The following NAV3 variants were observed in gnomAD, a reference collection of about 807,000 sequenced individuals.
NAV3 encodes the protein pore membrane and/or filament interacting like protein 1.
A neutral mutation model predicts 244.7 loss-of-function variants in NAV3; 87 were observed. The observed-to-expected ratio is 0.36, with a 90% CI of 0.30 to 0.42. The LOEUF is 0.42. NAV3 is among the 20% of genes least tolerant of loss of function. The probability of loss-of-function intolerance (pLI) is 1.00; values close to 1 mark genes in which losing one functional copy is unlikely to be tolerated. For missense variants in NAV3, 2,663 were observed against 2,893.3 expected (o/e 0.92, Z 1.83); for synonymous variants, 1,126 against 1,042.2 (o/e 1.08, Z -1.55).
intron 12 of NAV3, among the ~76,000 whole-genome samples, chr12:78,070,834 A>T (rs1375620581): frequency 6.7e-6 from 1 of 149,770 alleles, no homozygotes; most frequent in East Asian, 2.0e-4. Context: ...TAGTTTACTG[A>T]GAATGATGAT....
At chr12:78,159,331 T>G in intron 23 of NAV3, 45 bp downstream of exon 23, 1 of 1,466,944 alleles carries the variant, frequency 6.8e-7, no homozygotes, top group Non-Finnish European at 9.5e-7. Context: ...AGACAGCAAA[T>G]TGCATAGGAT....
At chr12:78,094,407 GA>G (rs1954122208) in intron 12 of NAV3, among the ~76,000 whole-genome samples, 1 of 152,110 alleles carries the variant, frequency 6.6e-6, no homozygotes, top group Admixed American at 6.5e-5. Context: ...CAAGTCAATG[GA>G]TATAATGGTG....
At chr12:78,096,808 CT>C (rs772391637) in intron 12 of NAV3, among the ~76,000 whole-genome samples, 32 of 152,128 alleles carry the variant, frequency 2.1e-4, no homozygotes, top group Non-Finnish European at 7.4e-5. Context: ...TTCTTTGTTA[CT>C]GGGTACCATA....
chr12:77,747,490 G>A (rs926069860), intron 2 of NAV3, among the ~76,000 whole-genome samples: 1 of 152,160 alleles, frequency 6.6e-6, no homozygotes, highest in Admixed American at 6.6e-5. Flanking sequence ...CCTCAGGGAT[G>A]TAGAACTAGA....
chr12:77,645,599 A>G (rs1872579301), intron 2 of NAV3, among the ~76,000 whole-genome samples: 1 of 151,676 alleles, frequency 6.6e-6, no homozygotes, highest in African/African-American at 2.4e-5. Context: ...GCCAGGACAA[A>G]CAGAAAGCAG....
intron 2 of NAV3, among the ~76,000 whole-genome samples, chr12:77,587,343 A>G (rs1015540495): frequency 6.6e-6 from 1 of 152,204 alleles, no homozygotes; most frequent in Non-Finnish European, 1.5e-5. Flanking sequence ...AATACTTACA[A>G]AAATACATGC....
intron 2 of NAV3, among the ~76,000 whole-genome samples, chr12:77,661,392 TCA>T (rs1412983192): frequency 6.6e-6 from 1 of 152,112 alleles, no homozygotes; most frequent in Non-Finnish European, 1.5e-5. Flanking sequence ...AGATATATGC[TCA>T]GATATTTTGC....
At chr12:77,821,379 T>C (rs777477106) in intron 2 of NAV3, among the ~76,000 whole-genome samples, 3 of 152,164 alleles carry the variant, frequency 2.0e-5, no homozygotes, top group Non-Finnish European at 2.9e-5. Flanking sequence ...AAAGTTTAAA[T>C]GTTTAAGAAA....
chr12:77,649,641 AC>A (rs1872739286), intron 2 of NAV3, among the ~76,000 whole-genome samples: 1 of 152,162 alleles, frequency 6.6e-6, no homozygotes, highest in Non-Finnish European at 1.5e-5. Flanking sequence ...CATTATTGTG[AC>A]CTTCATATTT....
At chr12:77,626,862 T>C (rs73425546) in intron 2 of NAV3, among the ~76,000 whole-genome samples, 17,563 of 151,850 alleles carry the variant, frequency 0.12, 1,836 homozygotes, top group African/African-American at 0.28. Flanking sequence ...AATGAAAACA[T>C]ACAAAAGTAT....
At chr12:78,081,745 T>C (rs1953364723) in intron 12 of NAV3, among the ~76,000 whole-genome samples, 2 of 152,218 alleles carry the variant, frequency 1.3e-5, no homozygotes, top group Admixed American at 6.5e-5. Context: ...TTATCTTCCC[T>C]GGAGTTAAGG....
At chr12:78,097,921 A>G (rs1228315328) in intron 12 of NAV3, among the ~76,000 whole-genome samples, 1 of 152,162 alleles carries the variant, frequency 6.6e-6, no homozygotes, top group Non-Finnish European at 1.5e-5. Flanking sequence ...AAGATATTTC[A>G]AGGGAGAAAG....
chr12:78,177,401 C>T, intron 27 of NAV3, 88 bp downstream of exon 27: 1 of 1,428,452 alleles, frequency 7.0e-7, no homozygotes, highest in Non-Finnish European at 9.5e-7. Flanking sequence ...CATATCTGTA[C>T]CAATTATTTT....
intron 12 of NAV3, among the ~76,000 whole-genome samples, chr12:78,090,358 A>T (rs1397541617): frequency 6.6e-6 from 1 of 151,742 alleles, no homozygotes; most frequent in Non-Finnish European, 1.5e-5. Context: ...ACTAAGCAAT[A>T]AAAAATTCAA....
At chr12:78,199,202 A>G in intron 36 of NAV3, 133 bp from the exon 37 acceptor site, 2 of 725,458 alleles carry the variant, frequency 2.8e-6, no homozygotes, top group Non-Finnish European at 4.5e-6. Context: ...AAAGGTGGCC[A>G]CCAATTGAAA....
At chr12:77,993,139 A>G (rs2136379636) in intron 5 of NAV3, among the ~76,000 whole-genome samples, 1 of 152,308 alleles carries the variant, frequency 6.6e-6, no homozygotes, top group East Asian at 1.9e-4. Flanking sequence ...GTTCTGTGCT[A>G]AGATTTATAT....
intron 2 of NAV3, among the ~76,000 whole-genome samples, chr12:77,746,244 C>T (rs1296304825): frequency 6.6e-6 from 1 of 152,050 alleles, no homozygotes; most frequent in East Asian, 1.9e-4. Context: ...ACCATATGGT[C>T]TCTGTCACAA....
intron 12 of NAV3, among the ~76,000 whole-genome samples, chr12:78,060,759 A>G (rs1321782085): frequency 6.6e-6 from 1 of 152,202 alleles, no homozygotes; most frequent in Non-Finnish European, 1.5e-5. Context: ...GATAAGAGGG[A>G]AAGAATCCCA....
At chr12:78,206,298 A>G (rs1960302257) in intron 39 of NAV3, among the ~76,000 whole-genome samples, 1 of 152,144 alleles carries the variant, frequency 6.6e-6, no homozygotes, top group South Asian at 2.1e-4. Context: ...ATAGTTAGGA[A>G]TCAACAGTGC....
Sources: gnomAD v4.1 joint callset for allele counts (sites outside exome capture counted in the v4.1 genomes callset) on GRCh38, gnomAD v4.1.1 for gene constraint, MANE v1.5 for transcripts, NCBI Gene and HGNC (gene_info 2026-07-23, HGNC 2026-07-21) for gene names.